Variants in SKAP2 observed in about 807,000 individuals in gnomAD.
SKAP2 encodes the protein src kinase associated phosphoprotein 2, also known as src kinase-associated phosphoprotein 2.
In SKAP2, 28 loss-of-function variants were observed where a neutral mutation model predicts 54.9. The observed-to-expected ratio is 0.51, with a 90% CI of 0.38 to 0.70. The LOEUF (loss-of-function observed/expected upper bound fraction) is 0.70. Ranked by LOEUF, SKAP2 falls within the 30% of genes least tolerant of loss-of-function variation. The pLI is 0.00. For synonymous variants in SKAP2, 137 were observed against 134.3 expected, an observed-to-expected ratio of 1.02 and a Z score of -0.14; for missense variants, 356 against 424.1, an observed-to-expected ratio of 0.84 and a Z score of 1.41.
intron 4 of SKAP2, among the ~76,000 whole-genome samples, chr7:26,766,092 C>A (rs1458791998): frequency 6.6e-6 from 1 of 152,108 alleles, no homozygotes; most frequent in African/African-American, 2.4e-5. Flanking sequence ...ATTGATTCTT[C>A]CTATCCATGA....
At chr7:26,857,011 T>C (rs1304906935) in intron 1 of SKAP2, among the ~76,000 whole-genome samples, 1 of 151,292 alleles carries the variant, frequency 6.6e-6, no homozygotes, top group African/African-American at 2.4e-5. Flanking sequence ...CTCTACATAG[T>C]GCCCTCTAAC....
At chr7:26,700,969 A>T (rs892485490) in intron 9 of SKAP2, among the ~76,000 whole-genome samples, 4 of 152,164 alleles carry the variant, frequency 2.6e-5, no homozygotes, top group Non-Finnish European at 4.4e-5. Context: ...TTTAAAGCAA[A>T]GCTCAATCCC....
chr7:26,693,826 C>T (rs1786839543), intron 9 of SKAP2, among the ~76,000 whole-genome samples: 2 of 151,950 alleles, frequency 1.3e-5, no homozygotes, highest in African/African-American at 4.8e-5. Flanking sequence ...GCTAACAATA[C>T]AAATAGCTTC....
chr7:26,725,607 G>C, intron 8 of SKAP2, 42 bp from the exon 9 acceptor site: 4 of 1,498,320 alleles, frequency 2.7e-6, no homozygotes, highest in Non-Finnish European at 3.6e-6. Flanking sequence ...AAAGAATGCA[G>C]AAGATATTTT....
intron 4 of SKAP2, among the ~76,000 whole-genome samples, chr7:26,831,481 A>G (rs1784594104): frequency 6.6e-6 from 1 of 152,206 alleles, no homozygotes; most frequent in East Asian, 1.9e-4. Flanking sequence ...AAGTTAGACA[A>G]CACTCACAAA....
rs1277765658 is a variant in SKAP2 at position 26,728,291 on chromosome 7, G to C, written c.470-1285C>G. On this transcript the variant is annotated intron_variant, in intron 6 of 12. Coordinates refer to ENST00000345317, the MANE Select transcript of SKAP2 (RefSeq NM_003930.5). The stretch of plus-strand genomic sequence containing the variant: ...AGGTTTCTGTGATCAAATCAATTTG[G>C]GAAACGTTTTGCCGAATTAAACAAG... Among the ~76,000 whole-genome samples, 4 of 152,090 alleles carry C rather than the reference G, an allele frequency of 2.6e-5. No individual in the cohort carries two copies. The South Asian group carries it at 8.3e-4, about 31-fold the overall frequency.
At chr7:26,740,650 A>C (rs939692868) in intron 4 of SKAP2, among the ~76,000 whole-genome samples, 1 of 152,218 alleles carries the variant, frequency 6.6e-6, no homozygotes, top group African/African-American at 2.4e-5. Context: ...AGGTTACTCA[A>C]TTTTACAAGT....
chr7:26,785,477 C>T (rs73683539), intron 4 of SKAP2, among the ~76,000 whole-genome samples: 534 of 152,260 alleles, frequency 3.5e-3, no homozygotes, highest in African/African-American at 0.012. Flanking sequence ...TGAGCCATCG[C>T]GCCCGGCCGA....
intron 4 of SKAP2, among the ~76,000 whole-genome samples, chr7:26,762,350 CTT>C (rs1782951285): frequency 6.6e-6 from 1 of 152,092 alleles, no homozygotes; most frequent in African/African-American, 2.4e-5. Context: ...ATATGGAAAT[CTT>C]TTTGTTCTAT....
intron 4 of SKAP2, among the ~76,000 whole-genome samples, chr7:26,835,509 A>G (rs1784688570): frequency 6.6e-6 from 1 of 152,220 alleles, no homozygotes; most frequent in African/African-American, 2.4e-5. Context: ...CAGGATACAA[A>G]ATCAATGTGC....
intron 4 of SKAP2, among the ~76,000 whole-genome samples, chr7:26,771,706 G>A (rs1259977678): frequency 6.6e-6 from 1 of 152,152 alleles, no homozygotes; most frequent in Non-Finnish European, 1.5e-5. Context: ...CCTGACAAAA[G>A]TACCACTGAT....
chr7:26,827,805 A>T (rs919974184), intron 4 of SKAP2, among the ~76,000 whole-genome samples: 32 of 152,212 alleles, frequency 2.1e-4, no homozygotes, highest in Non-Finnish European at 4.4e-5. Flanking sequence ...CTTATTCTTA[A>T]TTTTTGTACT....
intron 4 of SKAP2, among the ~76,000 whole-genome samples, chr7:26,764,183 T>C (rs1172697835): frequency 5.9e-5 from 9 of 152,206 alleles, no homozygotes; most frequent in Admixed American, 5.9e-4. Context: ...ACTTGATATG[T>C]ATGTGTATAG....
chr7:26,852,809 C>T (rs1310176655), intron 3 of SKAP2, among the ~76,000 whole-genome samples: 4 of 152,054 alleles, frequency 2.6e-5, no homozygotes, highest in Admixed American at 1.3e-4. Context: ...CCACAAAGCA[C>T]AATGCAAGTT....
At chr7:26,834,412 G>A (rs1784663615) in intron 4 of SKAP2, among the ~76,000 whole-genome samples, 1 of 151,980 alleles carries the variant, frequency 6.6e-6, no homozygotes, top group Non-Finnish European at 1.5e-5. Context: ...AGGAGCTGGT[G>A]TTTTGAAAAG....
At chr7:26,828,398 C>A (rs758198474) in intron 4 of SKAP2, among the ~76,000 whole-genome samples, 22 of 152,118 alleles carry the variant, frequency 1.4e-4, no homozygotes, top group Non-Finnish European at 2.6e-4. Context: ...TATAGCAAGG[C>A]CGGGCGCGGT....
At chr7:26,860,796 A>C (rs1785257786) in intron 1 of SKAP2, among the ~76,000 whole-genome samples, 1 of 152,114 alleles carries the variant, frequency 6.6e-6, no homozygotes, top group Admixed American at 6.5e-5. Context: ...CCTTTAGGGG[A>C]CTGATTACAT....
At chr7:26,837,410 T>A (rs1043628591) in intron 4 of SKAP2, among the ~76,000 whole-genome samples, 1 of 152,146 alleles carries the variant, frequency 6.6e-6, no homozygotes, top group African/African-American at 2.4e-5. Flanking sequence ...GGACATCTGC[T>A]TGGCTTCTGA....
At chr7:26,727,445 TAAAACA>T (rs1787732511) in intron 6 of SKAP2, among the ~76,000 whole-genome samples, 1 of 152,020 alleles carries the variant, frequency 6.6e-6, no homozygotes, top group Non-Finnish European at 1.5e-5. Context: ...AAGAAGCTTC[TAAAACA>T]AAAGTTTTCT....
Sources: allele counts gnomAD v4.1 joint callset (sites outside exome capture counted in the v4.1 genomes callset), GRCh38; gene constraint gnomAD v4.1.1; transcripts MANE v1.5; gene names NCBI Gene and HGNC (gene_info 2026-07-23, HGNC 2026-07-21).